Variants in SAMD7 observed in about 807,000 individuals in gnomAD.
SAMD7 encodes the protein sterile alpha motif domain-containing protein 7.
A neutral mutation model predicts 36.7 loss-of-function variants in SAMD7; 34 were observed. The observed-to-expected ratio is 0.93, with a 90% CI of 0.71 to 1.23. The LOEUF (loss-of-function observed/expected upper bound fraction) is 1.23. Among genes scored for constraint, SAMD7 ranks in the 50% most tolerant of loss-of-function variants. The pLI is 0.00. For synonymous variants in SAMD7, 188 were observed against 189.7 expected (o/e 0.99, Z 0.07); for missense variants, 570 against 546.6 (o/e 1.04, Z -0.43).
intron 7 of SAMD7, chr3:169,932,951 A>T (rs1021425337): frequency 7.3e-5 from 50 of 682,462 alleles, no homozygotes; most frequent in Non-Finnish European, 1.3e-4. Flanking sequence ...AAGCTTTGGG[A>T]ACCCCTTGCT....
chr3:169,923,861 G>C (rs923565023), intron 4 of SAMD7, among the ~76,000 whole-genome samples: 4 of 152,206 alleles, frequency 2.6e-5, no homozygotes, highest in African/African-American at 7.2e-5. Flanking sequence ...TACAAAACAG[G>C]GTTGTTAGGT....
Position 169,926,910 on chromosome 3 carries a change from T to A in SAMD7, c.648T>A (p.Val216=). The A allele has an allele frequency of 2.5e-6, 4 of 1,613,762 alleles. No individual in the cohort carries two copies. The highest frequency in any genetic ancestry group is 3.4e-6 in the Non-Finnish European group (4 of 1,179,954). The part of the protein sequence containing the change: ...EEKILGQTHA[V]PYEEDHYAKD... Reference sequence around the variant, plus strand: ...AAATCCTAGGTCAGACTCATGCAGTTCCCTATGAAGAGGATCATTATGCAA... The same window carrying A: ...AAATCCTAGGTCAGACTCATGCAGTACCCTATGAAGAGGATCATTATGCAA... The change falls in exon 6 of 9, where the codon GTT becomes GTA. Residue 216 remains valine (V), a synonymous_variant. Coordinates refer to ENST00000335556, the MANE Select transcript of SAMD7 (RefSeq NM_001304366.2).
intron 1 of SAMD7, among the ~76,000 whole-genome samples, chr3:169,912,530 T>C (rs1374944134): frequency 6.6e-6 from 1 of 152,194 alleles, no homozygotes; most frequent in East Asian, 1.9e-4. Flanking sequence ...GCACATAAAT[T>C]ATATTGAGTC....
intron 8 of SAMD7, among the ~76,000 whole-genome samples, chr3:169,937,362 T>C (rs1337820000): frequency 6.6e-6 from 1 of 152,180 alleles, no homozygotes; most frequent in Admixed American, 6.5e-5. Context: ...CACCTAGGTA[T>C]TAAGCCCAGC....
At chr3:169,933,470 C>T (rs761667022) in intron 7 of SAMD7, among the ~76,000 whole-genome samples, 5 of 152,134 alleles carry the variant, frequency 3.3e-5, no homozygotes, top group Non-Finnish European at 7.3e-5. Flanking sequence ...CAGCAATTGC[C>T]CATTCTAGCA....
Position 169,928,688 on chromosome 3 carries a change from ATC to A in SAMD7, c.1041+116_1041+117del, listed in dbSNP as rs1282841921. 4.3e-6 allele frequency: 5 copies of A among 1,171,544 alleles called. No individual in the cohort carries two copies. The South Asian group carries it at 5.8e-5, about 14-fold the overall frequency. The allele number at this position is 1,171,544 out of a possible 1,614,324, so 72.6% of individuals were successfully genotyped here. A position where few individuals can be genotyped will look rare whatever the true frequency, so the allele number is the denominator to read the frequency against. ...GTGCCTCCAGAAAGGATTCCTACTA[ATC>A]TCTCTTTTTTATGCCAGTGTCTACC... On this transcript the variant is annotated intron_variant, in intron 7 of 8. Transcript: ENST00000335556.
intron 7 of SAMD7, chr3:169,932,974 C>T (rs1455329472): frequency 1.4e-6 from 1 of 705,876 alleles, no homozygotes; most frequent in East Asian, 2.8e-5. Flanking sequence ...ATGAAAGAAG[C>T]ATTCTTTCCC....
At chr3:169,913,705 T>C (rs1712691193) in intron 1 of SAMD7, among the ~76,000 whole-genome samples, 1 of 152,228 alleles carries the variant, frequency 6.6e-6, no homozygotes, top group African/African-American at 2.4e-5. Context: ...GTCTGCACTT[T>C]TACTTGAGCA....
At chr3:169,933,168 C>T (rs1713584935) in intron 7 of SAMD7, 2 of 731,542 alleles carry the variant, frequency 2.7e-6, no homozygotes, top group East Asian at 5.5e-5. Context: ...CACCGTGGAG[C>T]AGTGCACTGA....
intron 6 of SAMD7, among the ~76,000 whole-genome samples, chr3:169,927,955 A>G (rs1000578494): frequency 6.6e-6 from 1 of 152,176 alleles, no homozygotes. Flanking sequence ...AATGCACTTC[A>G]TGACAGAAAC....
intron 7 of SAMD7, among the ~76,000 whole-genome samples, chr3:169,934,109 C>A (rs185991346): frequency 2.0e-5 from 3 of 152,080 alleles, no homozygotes; most frequent in Non-Finnish European, 4.4e-5. Flanking sequence ...GTGGACAGGG[C>A]CAGGTCACAG....
chr3:169,931,236 C>T (rs548373134), intron 7 of SAMD7, among the ~76,000 whole-genome samples: 2 of 152,300 alleles, frequency 1.3e-5, no homozygotes, highest in South Asian at 4.1e-4. Flanking sequence ...ACTGAAATTA[C>T]TGAAAATATG....
intron 2 of SAMD7, among the ~76,000 whole-genome samples, chr3:169,916,651 A>T (rs1037340883): frequency 6.6e-6 from 1 of 152,242 alleles, no homozygotes; most frequent in African/African-American, 2.4e-5. Context: ...CTGTCTCAAA[A>T]CAAAACAAAA....
At chr3:169,929,624 C>A (rs536311566) in intron 7 of SAMD7, among the ~76,000 whole-genome samples, 41 of 152,254 alleles carry the variant, frequency 2.7e-4, no homozygotes, top group African/African-American at 9.6e-4. Context: ...GGACAAGTTG[C>A]CTCCCTTCTC....
intron 1 of SAMD7, among the ~76,000 whole-genome samples, chr3:169,913,239 T>C (rs1226020634): frequency 6.6e-6 from 1 of 152,214 alleles, no homozygotes; most frequent in African/African-American, 2.4e-5. Context: ...AAAACATGCA[T>C]CATACATACC....
chr3:169,938,614 A>G lies in SAMD7; in HGVS notation c.*108A>G, dbSNP rs1040706788. The G allele has an allele frequency of 6.8e-5, 50 of 739,896 alleles. No homozygotes were observed. The highest frequency in any genetic ancestry group is 9.1e-5 in the Non-Finnish European group (43 of 472,196). 45.8% of individuals were successfully genotyped at this position (739,896 alleles called of 1,614,324 possible). ...TACTGGATGGAGAATGAGAAGAGAA[A>G]GTCAGCCTTTCTGGGGCTTTCATGG... On this transcript the variant is annotated 3_prime_UTR_variant, in exon 9 of 9. Coordinates refer to ENST00000335556, the MANE Select transcript of SAMD7 (RefSeq NM_001304366.2).
rs140323708 is a variant in SAMD7 at position 169,936,402 on chromosome 3, G to C, written c.1105G>C (p.Gly369Arg). 5 of 1,613,578 alleles carry C rather than the reference G, an allele frequency of 3.1e-6. No individual in the cohort carries two copies. The African/African-American group carries it at 6.7e-5, about 22-fold the overall frequency. ...LPLLTEEHLR[G>R]TMGLKLGPAL... Reference sequence around the variant, plus strand: ...ATTACTCACAGAAGAGCATCTTCGAGGCACTATGGGATTAAAGCTAGGGCC... The same window carrying C: ...ATTACTCACAGAAGAGCATCTTCGACGCACTATGGGATTAAAGCTAGGGCC... The change falls in exon 8 of 9, where the codon GGC becomes CGC. Residue 369 changes from glycine to arginine, a missense_variant. By Grantham distance (125) the Gly-to-Arg change is moderately radical. Transcript: ENST00000335556.
At chr3:169,925,873 G>A (rs78494907) in intron 5 of SAMD7, among the ~76,000 whole-genome samples, 296 of 152,226 alleles carry the variant, frequency 1.9e-3, no homozygotes, top group African/African-American at 6.9e-3. Context: ...TCAATTTTGC[G>A]CAAAGATAGG....
intron 1 of SAMD7, among the ~76,000 whole-genome samples, chr3:169,913,330 T>C (rs1712677885): frequency 6.6e-6 from 1 of 152,236 alleles, no homozygotes; most frequent in Admixed American, 6.5e-5. Context: ...GATCACAGTA[T>C]AGCCAATAAC....
Sources: gnomAD v4.1 joint callset for allele counts (sites outside exome capture counted in the v4.1 genomes callset) on GRCh38, gnomAD v4.1.1 for gene constraint, MANE v1.5 for transcripts, NCBI Gene and HGNC (gene_info 2026-07-23, HGNC 2026-07-21) for gene names.